Variants in GBA1 observed in about 807,000 individuals in gnomAD.
The protein encoded by GBA1 is glucosylceramidase beta 1.
the GBA1 span, chr1:155,237,293 A>G: frequency 1.2e-6 from 2 of 1,613,592 alleles, no homozygotes; most frequent in Admixed American, 1.7e-5. Flanking sequence ...AGTCATTTGG[A>G]TGCTGGATTT....
the GBA1 span, chr1:155,236,131 A>G: frequency 1.0e-5 from 10 of 979,626 alleles, no homozygotes; most frequent in Non-Finnish European, 1.6e-5. Flanking sequence ...AGAGTTGCTC[A>G]AAAGGGCAGG....
At chr1:155,241,250 G>A in the GBA1 span, 7 of 798,790 alleles carry the variant, frequency 8.8e-6, no homozygotes, top group Admixed American at 8.2e-5. Context: ...AAGTAATTCC[G>A]GCTTCCCGAT....
the GBA1 span, chr1:155,239,788 G>A: frequency 1.2e-6 from 2 of 1,614,040 alleles, no homozygotes; most frequent in South Asian, 2.2e-5. Context: ...GGGAATAAGG[G>A]TATCAGTACC....
At chr1:155,237,829 G>C in the GBA1 span, 1 of 782,972 alleles carries the variant, frequency 1.3e-6, no homozygotes, top group East Asian at 2.7e-5. Context: ...TTGAACTCAG[G>C]AGGCAGAGGT....
the GBA1 span, chr1:155,238,853 C>T: frequency 3.0e-5 from 19 of 643,402 alleles, no homozygotes; most frequent in South Asian, 7.4e-5. Context: ...AGATGATAGG[C>T]GGTGAAATCT....
chr1:155,236,568 G>A, the GBA1 span: 1 of 953,996 alleles, frequency 1.0e-6, no homozygotes, highest in Non-Finnish European at 1.7e-6. Context: ...CGGGAAGAAT[G>A]CAACTAGAGA....
At chr1:155,239,442 A>G in the GBA1 span, among the ~76,000 whole-genome samples, 1 of 152,080 alleles carries the variant, frequency 6.6e-6, no homozygotes, top group Non-Finnish European at 1.5e-5. Context: ...GAGGCAGGAG[A>G]ATCACTATAG....
At chr1:155,236,384 G>A in the GBA1 span, 15 of 1,614,140 alleles carry the variant, frequency 9.3e-6, no homozygotes, top group Non-Finnish European at 1.2e-5. Context: ...CTCCCCTAGG[G>A]TGGCTTTGGC....
At chr1:155,235,539 G>A in the GBA1 span, 1 of 1,145,612 alleles carries the variant, frequency 8.7e-7, no homozygotes, top group Non-Finnish European at 1.3e-6. Context: ...TGCCTCCATG[G>A]TGCAAAAGGG....
the GBA1 span, among the ~76,000 whole-genome samples, chr1:155,236,721 G>A: frequency 3.9e-5 from 6 of 152,028 alleles, no homozygotes; most frequent in Admixed American, 3.9e-4. Context: ...CTGAGTAGCT[G>A]GGACTACACG....
chr1:155,243,413 T>C, the GBA1 span, among the ~76,000 whole-genome samples: 1 of 152,202 alleles, frequency 6.6e-6, no homozygotes, highest in Non-Finnish European at 1.5e-5. Context: ...AACATCTCCT[T>C]CCACTTCCCC....
the GBA1 span, chr1:155,240,241 A>G: frequency 9.1e-6 from 6 of 657,304 alleles, no homozygotes; most frequent in Non-Finnish European, 1.3e-5. Flanking sequence ...AGGTGGGCGG[A>G]TCACCTGAGG....
the GBA1 span, chr1:155,237,251 TG>T: frequency 6.2e-7 from 1 of 1,601,518 alleles, no homozygotes; most frequent in Non-Finnish European, 8.5e-7. Flanking sequence ...AATCCATAGT[TG>T]GGTAGAGAAA....
the GBA1 span, chr1:155,236,496 G>T: frequency 6.4e-7 from 1 of 1,560,354 alleles, no homozygotes. Context: ...ACTGATCCTG[G>T]ACCTTGCACA....
At chr1:155,235,660 G>A in the GBA1 span, 2 of 1,574,974 alleles carry the variant, frequency 1.3e-6, no homozygotes, top group Non-Finnish European at 1.7e-6. Flanking sequence ...TATGGAATGG[G>A]GGTGCCCGCC....
the GBA1 span, chr1:155,240,438 C>A: frequency 2.0e-5 from 13 of 655,246 alleles, no homozygotes; most frequent in South Asian, 1.9e-4. Context: ...CACTCCAGCC[C>A]AGGCAACAGA....
the GBA1 span, chr1:155,238,913 G>T: frequency 2.0e-6 from 1 of 488,726 alleles, no homozygotes. Flanking sequence ...ATGGGCAGAA[G>T]TCAGGGTCCA....
chr1:155,242,009 T>C, the GBA1 span, among the ~76,000 whole-genome samples: 1 of 152,214 alleles, frequency 6.6e-6, no homozygotes, highest in African/African-American at 2.4e-5. Context: ...AAGCTGTCCA[T>C]GGTGTGGCCT....
At chr1:155,240,815 C>T in the GBA1 span, 88 of 1,052,050 alleles carry the variant, frequency 8.4e-5, no homozygotes, top group Middle Eastern at 4.0e-4. Flanking sequence ...GCCCATGGCC[C>T]GGTCTCCCAC....
Sources: allele counts gnomAD v4.1 joint callset (sites outside exome capture counted in the v4.1 genomes callset), GRCh38; gene constraint gnomAD v4.1.1; transcripts MANE v1.5; gene names NCBI Gene and HGNC (gene_info 2026-07-23, HGNC 2026-07-21).